The following FHIT variants were observed in gnomAD, a reference collection of about 807,000 sequenced individuals.
FHIT encodes the protein fragile histidine triad diadenosine triphosphatase, also known as bis(5'-adenosyl)-triphosphatase.
Under a neutral mutation model 17.9 loss-of-function variants are expected in FHIT, and 19 were observed. The ratio of observed to expected loss-of-function variants is 1.06; its 90% confidence interval spans 0.74 to 1.56. FHIT has a LOEUF of 1.56. Among genes scored for constraint, FHIT ranks in the 40% most tolerant of loss-of-function variants. The probability of loss-of-function intolerance (pLI) is 0.00; values close to 1 mark genes in which losing one functional copy is unlikely to be tolerated. For synonymous variants in FHIT, 81 were observed against 69.7 expected (o/e 1.16, Z -0.81); for missense variants, 248 against 189.2 (o/e 1.31, Z -1.82).
At chr3:60,794,149 T>A (rs1345237428) in intron 4 of FHIT, among the ~76,000 whole-genome samples, 1 of 152,150 alleles carries the variant, frequency 6.6e-6, no homozygotes, top group African/African-American at 2.4e-5. Flanking sequence ...CAGTTTTCTA[T>A]AAATCCTTCT....
intron 5 of FHIT, among the ~76,000 whole-genome samples, chr3:60,363,930 C>T (rs985069288): frequency 6.6e-6 from 1 of 152,168 alleles, no homozygotes; most frequent in East Asian, 1.9e-4. Context: ...CTTCTCCACA[C>T]TTCTGTCCTT....
chr3:60,896,384 G>GTCA (rs1553761971), intron 3 of FHIT, among the ~76,000 whole-genome samples: 1 of 152,042 alleles, frequency 6.6e-6, no homozygotes, highest in East Asian at 1.9e-4. Flanking sequence ...TATATATTGA[G>GTCA]TCATGTCTTC....
In FHIT at chr3:60,497,446, GCAAA is replaced by G. The variant is rs752943728; in HGVS notation, c.103+39410_103+39413del. ...AGTTCAAAAATATAAAAATCATTCT[GCAAA>G]CAAACACAGTTAATTTCTAAATTTG... is the stretch of plus-strand genomic sequence containing the variant. On this transcript the variant is annotated intron_variant, in intron 5 of 9. Transcript: ENST00000492590. Among the ~76,000 whole-genome samples, 48 of 152,208 alleles carry G rather than the reference GCAAA, an allele frequency of 3.2e-4. 1 individual carries two copies. The highest frequency in any genetic ancestry group is 3.9e-4 in the Admixed American group (6 of 15,288).
intron 4 of FHIT, among the ~76,000 whole-genome samples, chr3:60,728,568 GTTTT>G (rs1441971971): frequency 2.0e-5 from 3 of 151,518 alleles, no homozygotes; most frequent in African/African-American, 7.3e-5. Context: ...GTTTGTTTTT[GTTTT>G]ATTTTGTTTT....
At chr3:60,788,361 G>T (rs1053769141) in intron 4 of FHIT, among the ~76,000 whole-genome samples, 1 of 151,936 alleles carries the variant, frequency 6.6e-6, no homozygotes, top group Admixed American at 6.6e-5. Context: ...TAGGGGCAAT[G>T]GTTCATTATT....
intron 5 of FHIT, among the ~76,000 whole-genome samples, chr3:60,309,825 C>G (rs1708859420): frequency 6.6e-6 from 1 of 152,106 alleles, no homozygotes; most frequent in African/African-American, 2.4e-5. Flanking sequence ...CCAACTTCCT[C>G]TATCAGCTCA....
In FHIT at chr3:60,323,861, G is replaced by C. The variant is rs554849843; in HGVS notation, c.103+212999C>G. Among the ~76,000 whole-genome samples the C allele has an allele frequency of 5.9e-5, 9 of 152,272 alleles. 1 individual carries two copies. The South Asian group carries it at 1.2e-3, about 21-fold the overall frequency. On this transcript the variant is annotated intron_variant, in intron 5 of 9. Transcript: ENST00000492590. ...GGCTCTGAGCCTGGGGCCTGCCCAC[G>C]CTTTGTTATAAGGAAGATTAGCAAA...
chr3:59,908,850 T>TTTTTTTTTTTTTTTTTTTTTTGG (rs1553712872), intron 8 of FHIT, among the ~76,000 whole-genome samples: 1 of 150,092 alleles, frequency 6.7e-6, no homozygotes, highest in African/African-American at 2.4e-5. Context: ...TTTCATTTTT[T>TTTTTTTTTTTTTTTTTTTTTTGG]AATAGTCCAA....
intron 3 of FHIT, among the ~76,000 whole-genome samples, chr3:60,926,106 G>T (rs1208160801): frequency 6.6e-6 from 1 of 152,068 alleles, no homozygotes; most frequent in African/African-American, 2.4e-5. Flanking sequence ...CAATAATAAT[G>T]GGAGACTTTA....
chr3:61,213,165 T>G (rs2039546026), intron 1 of FHIT, among the ~76,000 whole-genome samples: 1 of 152,172 alleles, frequency 6.6e-6, no homozygotes, highest in African/African-American at 2.4e-5. Context: ...ATATTAACTT[T>G]AAATGTAAAT....
chr3:60,655,452 C>T (rs782477215), intron 4 of FHIT, among the ~76,000 whole-genome samples: 4 of 152,038 alleles, frequency 2.6e-5, no homozygotes, highest in Non-Finnish European at 4.4e-5. Context: ...GGAGGAATAG[C>T]GAATAAAGTA....
At chr3:60,661,565 A>G (rs2107825701) in intron 4 of FHIT, among the ~76,000 whole-genome samples, 1 of 152,306 alleles carries the variant, frequency 6.6e-6, no homozygotes, top group South Asian at 2.1e-4. Context: ...CTGGGTAGAT[A>G]CCCAATAGTG....
chr3:60,948,347 C>A (rs9833215), intron 3 of FHIT, among the ~76,000 whole-genome samples: 2,969 of 152,260 alleles, frequency 0.019, 98 homozygotes, highest in African/African-American at 0.066. Context: ...TTTTGGGTCC[C>A]TACAGATTTA....
chr3:60,270,400 C>A (rs1706804116), intron 5 of FHIT, among the ~76,000 whole-genome samples: 1 of 152,156 alleles, frequency 6.6e-6, no homozygotes, highest in Admixed American at 6.5e-5. Flanking sequence ...CATGGTTCTA[C>A]CTTTTTAAAA....
chr3:61,198,277 G>A (rs996649837), intron 2 of FHIT, among the ~76,000 whole-genome samples: 2 of 152,126 alleles, frequency 1.3e-5, no homozygotes, highest in Non-Finnish European at 2.9e-5. Context: ...CAGACATGGA[G>A]GCAACAGTGG....
intron 8 of FHIT, among the ~76,000 whole-genome samples, chr3:59,903,762 G>A (rs1047377190): frequency 6.6e-6 from 1 of 152,134 alleles, no homozygotes; most frequent in African/African-American, 2.4e-5. Context: ...GAATAATTTG[G>A]TTCCCTGTGA....
chr3:60,063,239 C>T lies in FHIT; in HGVS notation c.104-49087G>A, dbSNP rs75028812. ...AGATCTCCATTGAGCAACAAGGTCC[C>T]GACTGACATCTGGTCTACAAGATCA... On this transcript the variant is annotated intron_variant, in intron 5 of 9. Transcript: ENST00000492590. 9.4e-3 allele frequency among the ~76,000 whole-genome samples: 1,435 copies of T among 152,170 alleles called. 17 individuals are homozygous for T. Among genetic ancestry groups the T allele is most frequent in the African/African-American group, 0.033 (1,364 of 41,528 alleles).
chr3:61,033,434 C>T lies in FHIT; in HGVS notation c.-111+8613G>A, dbSNP rs553567390. Among the ~76,000 whole-genome samples the T allele has an allele frequency of 2.0e-5, 3 of 152,214 alleles. No homozygotes were observed. The East Asian group carries it at 5.8e-4, about 29-fold the overall frequency. On this transcript the variant is annotated intron_variant, in intron 3 of 9. Transcript: ENST00000492590. ...TGAGTAGGAAAAAAACTGTAAAATA[C>T]CTCATCAATAATTTTTTATATTGAT...
intron 3 of FHIT, among the ~76,000 whole-genome samples, chr3:60,835,622 G>A (rs531941606): frequency 2.6e-5 from 4 of 152,222 alleles, no homozygotes; most frequent in East Asian, 3.9e-4. Context: ...TTGTTTGCTT[G>A]AGATAGGGTC....
Sources: allele counts gnomAD v4.1 joint callset (sites outside exome capture counted in the v4.1 genomes callset), GRCh38; gene constraint gnomAD v4.1.1; transcripts MANE v1.5; gene names NCBI Gene and HGNC (gene_info 2026-07-23, HGNC 2026-07-21).